Variants in COLEC12 observed in about 807,000 individuals in gnomAD.
COLEC12 encodes collectin-12.
COLEC12 carries 33 observed loss-of-function variants against 71.1 expected under a neutral mutation model. That is an observed-to-expected ratio of 0.46 (90% CI 0.35 to 0.62). The LOEUF is 0.62. Ranked by LOEUF, COLEC12 falls within the 20% of genes least tolerant of loss-of-function variation. COLEC12 has a pLI of 0.00. For synonymous variants in COLEC12, 350 were observed against 353.0 expected (o/e 0.99, Z 0.10); for missense variants, 765 against 916.1 (o/e 0.84, Z 2.13).
chr18:352,095 A>T (rs13381717), intron 3 of COLEC12, among the ~76,000 whole-genome samples: 10,860 of 152,272 alleles, frequency 0.071, 429 homozygotes, highest in African/African-American at 0.11. Context: ...TATTATTTTT[A>T]AAATTACTAC....
chr18:488,076 A>C lies in COLEC12; in HGVS notation c.8-7319T>G, dbSNP rs372942137. 3.9e-5 allele frequency among the ~76,000 whole-genome samples: 6 copies of C among 152,332 alleles called. No homozygotes were observed. In the East Asian group the frequency reaches 9.6e-4, roughly 24 times the overall value. On this transcript the variant is annotated intron_variant, in intron 1 of 9. Coordinates refer to ENST00000400256, the MANE Select transcript of COLEC12 (RefSeq NM_130386.3). ...AATACACTTACAGAGATAAGAGAAAATAATATATCTGGAAAACAGGATGCT... is the reference window on the plus strand; with the variant it reads ...AATACACTTACAGAGATAAGAGAAACTAATATATCTGGAAAACAGGATGCT...
intron 2 of COLEC12, among the ~76,000 whole-genome samples, chr18:463,388 G>A (rs1917021126): frequency 1.3e-5 from 2 of 152,144 alleles, no homozygotes; most frequent in Non-Finnish European, 2.9e-5. Context: ...ATAAATTGTT[G>A]CATTTGGCCA....
At chr18:387,952 C>A (rs1915380637) in intron 2 of COLEC12, among the ~76,000 whole-genome samples, 1 of 150,874 alleles carries the variant, frequency 6.6e-6, no homozygotes, top group Non-Finnish European at 1.5e-5. Flanking sequence ...TACTTGGGAT[C>A]TAGGAAAAAT....
rs1915636117 is a variant in COLEC12, at chr18:399,443, C to T, written c.59-41921G>A. ...TAGCTGGAATCCTTCCTTGTCAAAC[C>T]AGCTCCAAGAGCAGGCCACACTCTG... On this transcript the variant is annotated intron_variant, in intron 2 of 9. Coordinates refer to ENST00000400256, the MANE Select transcript of COLEC12 (RefSeq NM_130386.3). The surrounding 1 kb of genome is among the most constrained non-coding windows in gnomAD (Gnocchi z 4.0). Among the ~76,000 whole-genome samples the T allele has an allele frequency of 1.3e-5, 2 of 152,224 alleles. No homozygotes were observed. Among genetic ancestry groups the T allele is most frequent in the Admixed American group, 6.5e-5 (1 of 15,288 alleles).
At position 488,433 on chromosome 18, in the gene COLEC12, T is replaced by G. The variant is rs556770851; in HGVS notation, c.8-7676A>C. Reference sequence around the variant, plus strand: ...CTCAAAAAAGAGAAAAAGAAAGAACTTTTGGAAATTAAAAAATATGATCAC... The same window carrying G: ...CTCAAAAAAGAGAAAAAGAAAGAACGTTTGGAAATTAAAAAATATGATCAC... On this transcript the variant is annotated intron_variant, in intron 1 of 9. Coordinates refer to ENST00000400256, the MANE Select transcript of COLEC12 (RefSeq NM_130386.3). Among the ~76,000 whole-genome samples, 130 of 151,808 alleles carry G rather than the reference T, an allele frequency of 8.6e-4. 2 individuals are homozygous for G. The highest frequency in any genetic ancestry group is 3.0e-3 in the African/African-American group (123 of 41,386).
chr18:480,804 G>A lies in COLEC12; in HGVS notation c.8-47C>T, dbSNP rs966056137. 2.6e-6 allele frequency: 4 copies of A among 1,539,156 alleles called. No homozygotes were observed. Among genetic ancestry groups the A allele is most frequent in the Non-Finnish European group, 3.6e-6 (4 of 1,111,754 alleles). On this transcript the variant is annotated intron_variant, in intron 1 of 9. Coordinates refer to ENST00000400256, the MANE Select transcript of COLEC12 (RefSeq NM_130386.3). This position sits in a 1 kb window ranked among gnomAD's most constrained non-coding sequence, Gnocchi z 4.1. ...GATGTTAATCCTGGCAAGGGGCACA[G>A]AAGCAGAGGGTGGGGCAGGATGCGA...
Position 436,525 on chromosome 18 carries a change from A to AAG in COLEC12, c.58+44181_58+44182insCT, listed in dbSNP as rs1491456419. Among the ~76,000 whole-genome samples, 18 of 98,956 alleles carry AAG rather than the reference A, an allele frequency of 1.8e-4. 3 individuals carry two copies. Among genetic ancestry groups the AAG allele is most frequent in the African/African-American group, 7.6e-4 (18 of 23,582 alleles). 64.9% of individuals were successfully genotyped at this position (98,956 alleles called of 152,430 possible). On this transcript the variant is annotated intron_variant, in intron 2 of 9. Transcript: ENST00000400256. ...AGCGAGACTCCATCTCAAAAAAAAA[A>AAG]GGGGGGGGGGGGGGAAACAGGGGTG... is the stretch of plus-strand genomic sequence containing the variant.
chr18:429,054 T>A (rs4798177), intron 2 of COLEC12, among the ~76,000 whole-genome samples: 46,573 of 152,146 alleles, frequency 0.31, 7,468 homozygotes, highest in East Asian at 0.46. Flanking sequence ...AGTGAGACTT[T>A]TAATTCTTTA....
At chr18:374,455 A>G (rs1915069423) in intron 2 of COLEC12, among the ~76,000 whole-genome samples, 2 of 152,150 alleles carry the variant, frequency 1.3e-5, no homozygotes, top group East Asian at 1.9e-4. Context: ...AGCCACATGG[A>G]AACTATGACC....
intron 8 of COLEC12, among the ~76,000 whole-genome samples, chr18:329,390 TA>T (rs538892121): frequency 1.1e-4 from 17 of 151,842 alleles, no homozygotes; most frequent in African/African-American, 3.9e-4. Context: ...CCAACTCTCT[TA>T]AAAAAAAGAC....
At chr18:360,860 T>C (rs1248505163) in intron 2 of COLEC12, among the ~76,000 whole-genome samples, 1 of 152,130 alleles carries the variant, frequency 6.6e-6, no homozygotes, top group Non-Finnish European at 1.5e-5. Context: ...TTTCCATTTT[T>C]CCCCTCCCCT....
At chr18:340,312 A>G (rs1015294100) in intron 5 of COLEC12, among the ~76,000 whole-genome samples, 20 of 152,098 alleles carry the variant, frequency 1.3e-4, no homozygotes, top group African/African-American at 4.6e-4. Context: ...GCGGCTGGTA[A>G]AGCTGTCACA....
rs1226754957 is a variant in COLEC12, at chr18:408,725, T to C, written c.59-51203A>G. On this transcript the variant is annotated intron_variant, in intron 2 of 9. Coordinates refer to ENST00000400256, the MANE Select transcript of COLEC12 (RefSeq NM_130386.3). This position sits in a 1 kb window ranked among gnomAD's most constrained non-coding sequence, Gnocchi z 4.3. ...GTCTAAATTCATTAATGTGTATAGA[T>C]AGAGCTCCTTAGGAAATAATTTTGC... 6.6e-6 allele frequency among the ~76,000 whole-genome samples: 1 copy of C among 152,190 alleles called. No homozygotes were observed. Among genetic ancestry groups the C allele is most frequent in the South Asian group, 2.1e-4 (1 of 4,834 alleles).
At chr18:363,465 C>T (rs1158350736) in intron 2 of COLEC12, among the ~76,000 whole-genome samples, 1 of 152,142 alleles carries the variant, frequency 6.6e-6, no homozygotes, top group African/African-American at 2.4e-5. Flanking sequence ...TAAAAAGGGT[C>T]AATTGCAAAA....
intron 2 of COLEC12, among the ~76,000 whole-genome samples, chr18:439,596 A>C (rs556705284): frequency 6.6e-6 from 1 of 152,072 alleles, no homozygotes; most frequent in South Asian, 2.1e-4. Flanking sequence ...TATAATTTAC[A>C]TATCATAAAA....
chr18:416,138 C>T (rs8097092), intron 2 of COLEC12, among the ~76,000 whole-genome samples: 47,583 of 152,024 alleles, frequency 0.31, 8,353 homozygotes, highest in South Asian at 0.51. Flanking sequence ...CCAGTTCCTG[C>T]TGTATTAAAG....
At position 327,698 on chromosome 18, in the gene COLEC12, A is replaced by G. The variant is rs537742111; in HGVS notation, c.2063+3970T>C. On this transcript the variant is annotated intron_variant, in intron 8 of 9. Transcript: ENST00000400256. This position sits in a 1 kb window ranked among gnomAD's most constrained non-coding sequence, Gnocchi z 4.0. ...TTTATCCCTCGTCTATTTGCTCTTT[A>G]ACAGTAACCACAAAACCTGCAAACT... Among the ~76,000 whole-genome samples, 8 of 152,330 alleles carry G rather than the reference A, an allele frequency of 5.3e-5. 2 individuals are homozygous for G. Among genetic ancestry groups the G allele is most frequent in the African/African-American group, 1.9e-4 (8 of 41,566 alleles).
At chr18:435,674 G>C (rs1044861004) in intron 2 of COLEC12, among the ~76,000 whole-genome samples, 2 of 152,166 alleles carry the variant, frequency 1.3e-5, no homozygotes, top group Non-Finnish European at 2.9e-5. Flanking sequence ...TGACTATCCA[G>C]AGGTGGACAA....
intron 2 of COLEC12, among the ~76,000 whole-genome samples, chr18:447,466 C>T (rs1045574964): frequency 1.3e-5 from 2 of 152,178 alleles, no homozygotes; most frequent in Admixed American, 6.5e-5. Flanking sequence ...TCTTGCCTGG[C>T]GTGCTGAGCA....
Sources: gnomAD v4.1 joint callset for allele counts (sites outside exome capture counted in the v4.1 genomes callset) on GRCh38, gnomAD v4.1.1 for gene constraint, Gnocchi (gnomAD v3.1) non-coding constraint, MANE v1.5 for transcripts, NCBI Gene and HGNC (gene_info 2026-07-23, HGNC 2026-07-21) for gene names.